Variants in PGPEP1L observed in about 807,000 individuals in gnomAD.
PGPEP1L encodes pyroglutamyl-peptidase 1-like protein.
In PGPEP1L, 7 loss-of-function variants were observed where a neutral mutation model predicts 6.0. The ratio of observed to expected loss-of-function variants is 1.17; its 90% confidence interval spans 0.66 to 2.19. The LOEUF (loss-of-function observed/expected upper bound fraction) is 2.19. PGPEP1L is among the 30% of genes most tolerant of loss of function. The pLI is 0.00. For synonymous variants in PGPEP1L, 103 were observed against 83.9 expected, an observed-to-expected ratio of 1.23 and a Z score of -1.24; for missense variants, 209 against 192.5, an observed-to-expected ratio of 1.09 and a Z score of -0.51.
chr15:98,979,523 A>G (rs898482401), intron 2 of PGPEP1L, among the ~76,000 whole-genome samples: 2 of 152,074 alleles, frequency 1.3e-5, no homozygotes, highest in Non-Finnish European at 2.9e-5. Context: ...CCATCAATCA[A>G]TGAGTGGATA....
At position 99,003,760 on chromosome 15, in the gene PGPEP1L, G is replaced by A. The variant is rs562936728; in HGVS notation, c.-142+1669C>T. 4.1e-5 allele frequency among the ~76,000 whole-genome samples: 6 copies of A among 147,956 alleles called. No homozygotes were observed. The East Asian group carries it at 1.2e-3, about 29-fold the overall frequency. The stretch of plus-strand genomic sequence containing the variant: ...TATTTCATCAAACAATTTCCAGTTT[G>A]CCAGCAAACCACAGGCTGACAAGAC... On this transcript the variant is annotated intron_variant, in intron 2 of 4. Coordinates refer to ENST00000535714, the MANE Select transcript of PGPEP1L (RefSeq NM_001167902.2).
At chr15:99,000,129 GC>G (rs1180782126) in intron 2 of PGPEP1L, among the ~76,000 whole-genome samples, 7 of 152,366 alleles carry the variant, frequency 4.6e-5, no homozygotes, top group Middle Eastern at 3.4e-3. Flanking sequence ...GGCTCCGCGG[GC>G]CCCGCACTGG....
chr15:98,969,993 C>T (rs1343022357), intron 3 of PGPEP1L, among the ~76,000 whole-genome samples: 1 of 152,020 alleles, frequency 6.6e-6, no homozygotes, highest in Non-Finnish European at 1.5e-5. Flanking sequence ...GCTACCACAG[C>T]AGAGTCTTCG....
intron 2 of PGPEP1L, among the ~76,000 whole-genome samples, chr15:98,999,417 A>G (rs574296684): frequency 6.6e-6 from 1 of 152,350 alleles, no homozygotes; most frequent in South Asian, 2.1e-4. Flanking sequence ...GCTAAAATAG[A>G]AAGACTGATA....
At chr15:98,980,456 A>G (rs2017641714) in intron 2 of PGPEP1L, among the ~76,000 whole-genome samples, 1 of 152,072 alleles carries the variant, frequency 6.6e-6, no homozygotes, top group Non-Finnish European at 1.5e-5. Flanking sequence ...ATGACTACAT[A>G]CATAAGTAAA....
rs545244771 is a variant in PGPEP1L at position 98,985,139 on chromosome 15, G to A, written c.-141-13981C>T. 2.0e-5 allele frequency among the ~76,000 whole-genome samples: 3 copies of A among 152,316 alleles called. No homozygotes were observed. The East Asian group carries it at 5.8e-4, about 29-fold the overall frequency. ...GGCAAATATGAACTCACGGCACAGGGACAGCCATGAAGAGATGGATATAGG... is the reference window on the plus strand; with the variant it reads ...GGCAAATATGAACTCACGGCACAGGAACAGCCATGAAGAGATGGATATAGG... On this transcript the variant is annotated intron_variant, in intron 2 of 4. Transcript: ENST00000535714.
At chr15:99,001,103 AGAAG>A (rs1255109783) in intron 2 of PGPEP1L, 15 of 428,612 alleles carry the variant, frequency 3.5e-5, no homozygotes, top group African/African-American at 2.1e-4. Flanking sequence ...TGAACCCACC[AGAAG>A]GAAGAAACTC....
intron 2 of PGPEP1L, among the ~76,000 whole-genome samples, chr15:98,979,121 C>G (rs2017617920): frequency 1.3e-5 from 2 of 151,826 alleles, no homozygotes; most frequent in African/African-American, 4.8e-5. Context: ...TTCTGTGAAA[C>G]AAGATAAACA....
intron 2 of PGPEP1L, among the ~76,000 whole-genome samples, chr15:98,992,013 C>G (rs2017826143): frequency 1.3e-5 from 2 of 152,110 alleles, no homozygotes; most frequent in Admixed American, 1.3e-4. Flanking sequence ...TAGGCAAAAA[C>G]TGGAAATTCC....
chr15:99,000,817 A>G (rs981161237), intron 2 of PGPEP1L, among the ~76,000 whole-genome samples: 7 of 152,140 alleles, frequency 4.6e-5, no homozygotes, highest in African/African-American at 1.7e-4. Flanking sequence ...AAAAAAAAGC[A>G]GGCTGCGGGA....
chr15:98,975,646 C>T (rs896092544), intron 2 of PGPEP1L, among the ~76,000 whole-genome samples: 3 of 152,038 alleles, frequency 2.0e-5, no homozygotes, highest in African/African-American at 7.2e-5. Context: ...TTTGGGAGGC[C>T]GAGACGGGCG....
intron 2 of PGPEP1L, among the ~76,000 whole-genome samples, chr15:99,002,048 G>A (rs1329278934): frequency 6.6e-6 from 1 of 152,064 alleles, no homozygotes; most frequent in Non-Finnish European, 1.5e-5. Flanking sequence ...ATCTCACTCT[G>A]TCATGCAGGC....
At chr15:98,974,019 G>A (rs982501603) in intron 2 of PGPEP1L, among the ~76,000 whole-genome samples, 7 of 152,060 alleles carry the variant, frequency 4.6e-5, no homozygotes, top group African/African-American at 9.7e-5. Context: ...CATTAAAATC[G>A]ATACCCCAGA....
intron 3 of PGPEP1L, 21 bp downstream of exon 3, chr15:98,971,015 C>A (rs1391195467): frequency 1.2e-6 from 2 of 1,612,946 alleles, no homozygotes; most frequent in East Asian, 2.2e-5. Flanking sequence ...CCATGCCCCA[C>A]TGCCTCTGGC....
intron 2 of PGPEP1L, among the ~76,000 whole-genome samples, chr15:98,978,364 G>C (rs1159085039): frequency 6.6e-6 from 1 of 152,146 alleles, no homozygotes; most frequent in Admixed American, 6.5e-5. Context: ...TGTCAGTGTA[G>C]AGTCCAGGGA....
intron 2 of PGPEP1L, among the ~76,000 whole-genome samples, chr15:98,989,285 C>A (rs1555471808): frequency 1.3e-5 from 2 of 152,116 alleles, no homozygotes; most frequent in East Asian, 1.9e-4. Flanking sequence ...TAGAGAAGAA[C>A]ATAATTGACC....
chr15:98,990,392 C>T (rs2017803368), intron 2 of PGPEP1L, among the ~76,000 whole-genome samples: 1 of 152,136 alleles, frequency 6.6e-6, no homozygotes, highest in Non-Finnish European at 1.5e-5. Context: ...GTAAAGGGAT[C>T]AATGCAACAA....
At chr15:98,970,969 C>T (rs549953951) in intron 3 of PGPEP1L, 67 bp downstream of exon 3, 51 of 1,595,072 alleles carry the variant, frequency 3.2e-5, no homozygotes, top group Admixed American at 2.0e-4. Flanking sequence ...AACCAGGACC[C>T]GGGGGTTCAG....
At chr15:98,974,431 CA>C (rs746055389) in intron 2 of PGPEP1L, among the ~76,000 whole-genome samples, 12 of 151,668 alleles carry the variant, frequency 7.9e-5, no homozygotes, top group Non-Finnish European at 1.3e-4. Flanking sequence ...TACAACCTAC[CA>C]AGATTTAACC....
Sources: allele counts gnomAD v4.1 joint callset (sites outside exome capture counted in the v4.1 genomes callset), GRCh38; gene constraint gnomAD v4.1.1; transcripts MANE v1.5; gene names NCBI Gene and HGNC (gene_info 2026-07-23, HGNC 2026-07-21).